The following SREBF2 variants were observed in gnomAD, a reference collection of about 807,000 sequenced individuals.
The protein encoded by SREBF2 is sterol regulatory element binding transcription factor 2.
Under a neutral mutation model 113.1 loss-of-function variants are expected in SREBF2, and 55 were observed. That is an observed-to-expected ratio of 0.49 (90% confidence interval 0.39 to 0.61). The LOEUF (loss-of-function observed/expected upper bound fraction) is 0.61. Ranked by LOEUF, SREBF2 falls within the 20% of genes least tolerant of loss-of-function variation. The pLI, the probability that SREBF2 is intolerant of heterozygous loss-of-function variation, is 0.00. For missense variants in SREBF2, 1,349 were observed against 1,487.4 expected, an observed-to-expected ratio of 0.91 and a Z score of 1.53; for synonymous variants, 593 against 605.7, an observed-to-expected ratio of 0.98 and a Z score of 0.31.
Position 41,867,236 on chromosome 22 carries a change from T to C in SREBF2, c.494T>C (p.Ile165Thr). 1 of 1,614,222 alleles carries C rather than the reference T, an allele frequency of 6.2e-7. No homozygotes were observed. Among genetic ancestry groups the C allele is most frequent in the Non-Finnish European group, 8.5e-7 (1 of 1,180,042 alleles). Residue 165 changes from isoleucine (I) to threonine (T), a missense_variant, in exon 2 of 19, where the codon ATC (isoleucine) becomes ACC (threonine). By Grantham distance (89) the Ile-to-Thr change is moderately conservative (BLOSUM62 -1). Coordinates refer to ENST00000361204, the MANE Select transcript of SREBF2 (RefSeq NM_004599.4). Reference sequence around the variant, plus strand: ...AGCACCACTCCGCAGACGAGGATCATCCAGCAGCCTTTGATATACCAGAAT... The same window carrying C: ...AGCACCACTCCGCAGACGAGGATCACCCAGCAGCCTTTGATATACCAGAAT... Reference protein sequence around the residue: ...TFSTTPQTRIIQQPLIYQNAA... With the variant: ...TFSTTPQTRITQQPLIYQNAA...
chr22:41,864,094 G>C (rs1433663834), intron 1 of SREBF2, among the ~76,000 whole-genome samples: 2 of 149,904 alleles, frequency 1.3e-5, no homozygotes, highest in East Asian at 3.9e-4. Flanking sequence ...TGTCAGGCTG[G>C]TCTCGAACTC....
chr22:41,872,024 G>A lies in SREBF2; in HGVS notation c.867+989G>A, dbSNP rs138986296. Among the ~76,000 whole-genome samples the A allele has an allele frequency of 4.8e-3, 727 of 152,260 alleles. 7 individuals carry two copies. Among genetic ancestry groups the A allele is most frequent in the African/African-American group, 0.015 (637 of 41,546 alleles). On this transcript the variant is annotated intron_variant, in intron 4 of 18. Coordinates refer to ENST00000361204, the MANE Select transcript of SREBF2 (RefSeq NM_004599.4). ...CCAGCACTTTGGGAGGCCGAGGTGGGTAGATCATGAGGTCAGGAGATCGAG... is the reference window on the plus strand; with the variant it reads ...CCAGCACTTTGGGAGGCCGAGGTGGATAGATCATGAGGTCAGGAGATCGAG...
chr22:41,904,627 G>A (rs1345233312), intron 17 of SREBF2: 1 of 688,358 alleles, frequency 1.5e-6, no homozygotes, highest in East Asian at 2.8e-5. Flanking sequence ...GTTGGGAAAA[G>A]CAGGCCTTTT....
intron 11 of SREBF2, among the ~76,000 whole-genome samples, chr22:41,888,722 G>GCT (rs1366829833): frequency 1.3e-5 from 2 of 152,186 alleles, no homozygotes; most frequent in Non-Finnish European, 2.9e-5. Flanking sequence ...CTCCATAAGA[G>GCT]TTTCCTCAGA....
intron 1 of SREBF2, among the ~76,000 whole-genome samples, chr22:41,866,418 C>T (rs954429185): frequency 1.2e-4 from 18 of 152,104 alleles, no homozygotes; most frequent in African/African-American, 4.1e-4. Context: ...GGCATGGTGC[C>T]GTGCACCTAT....
At chr22:41,878,673 A>C in intron 9 of SREBF2, 2 of 1,304,312 alleles carry the variant, frequency 1.5e-6, no homozygotes, top group South Asian at 2.5e-5. Flanking sequence ...TTTACGGAAA[A>C]AAATCTGGGG....
intron 2 of SREBF2, among the ~76,000 whole-genome samples, chr22:41,867,529 G>A (rs926659590): frequency 6.6e-5 from 10 of 151,990 alleles, no homozygotes; most frequent in Non-Finnish European, 8.8e-5. Context: ...GCAAGCGGCC[G>A]GGCGCGGTGG....
chr22:41,878,910 C>G (rs2077221601), intron 9 of SREBF2, among the ~76,000 whole-genome samples: 1 of 152,150 alleles, frequency 6.6e-6, no homozygotes, highest in Admixed American at 6.5e-5. Flanking sequence ...AGTATAACAT[C>G]CCAAGATGTA....
intron 11 of SREBF2, among the ~76,000 whole-genome samples, chr22:41,889,160 C>G (rs1244346939): frequency 6.6e-6 from 1 of 152,170 alleles, no homozygotes; most frequent in East Asian, 1.9e-4. Flanking sequence ...GTGTCTTGCT[C>G]TGTTGCCCAG....
intron 15 of SREBF2, chr22:41,899,654 C>A: frequency 1.2e-6 from 1 of 831,676 alleles, no homozygotes; most frequent in Non-Finnish European, 1.5e-6. Flanking sequence ...ACTAGGTAAG[C>A]ACCCAGCCCG....
At chr22:41,878,240 C>A in intron 9 of SREBF2, 117 bp downstream of exon 9, 1 of 1,359,206 alleles carries the variant, frequency 7.4e-7, no homozygotes, top group Non-Finnish European at 1.0e-6. Context: ...AGGGACCCTG[C>A]TGCTGAATAG....
In SREBF2 at chr22:41,905,862, G is replaced by A. The variant is rs1465306052; in HGVS notation, c.*202G>A. Reference sequence around the variant, plus strand: ...AGATGCCCATGGTCCAGGGCCTGGTGGGCGTGAGAGGATAGGTGGCAGGGC... The same window carrying A: ...AGATGCCCATGGTCCAGGGCCTGGTAGGCGTGAGAGGATAGGTGGCAGGGC... On this transcript the variant is annotated 3_prime_UTR_variant, in exon 19 of 19. Transcript: ENST00000361204. 1.1e-5 allele frequency: 8 copies of A among 720,398 alleles called. No individual in the cohort carries two copies. The highest frequency in any genetic ancestry group is 2.0e-5 in the Non-Finnish European group (8 of 401,582). The allele number at this position is 720,398 out of a possible 1,614,324, so 44.6% of individuals were successfully genotyped here. A position where few individuals can be genotyped will look rare whatever the true frequency, so the allele number is the denominator to read the frequency against.
chr22:41,841,579 A>G (rs2076830700), intron 1 of SREBF2, among the ~76,000 whole-genome samples: 5 of 152,208 alleles, frequency 3.3e-5, no homozygotes, highest in Admixed American at 2.0e-4. Flanking sequence ...CTCTCATTGA[A>G]TAGGCTTTTA....
intron 1 of SREBF2, among the ~76,000 whole-genome samples, chr22:41,860,810 C>T (rs60386215): frequency 0.082 from 12,506 of 152,024 alleles, 660 homozygotes; most frequent in East Asian, 0.15. Context: ...TGCTTAAGCA[C>T]AGGAGGTAGA....
rs2077515849 is a variant in SREBF2 at position 41,907,120 on chromosome 22, G to GTAATT, written c.*1463_*1467dup. The stretch of plus-strand genomic sequence containing the variant: ...CTCCTGCCCCTCCCCTACTCTCACT[G>GTAATT]TAATTTATGGACCCTGCCCGCCTGC... On this transcript the variant is annotated 3_prime_UTR_variant, in exon 19 of 19. Coordinates refer to ENST00000361204, the MANE Select transcript of SREBF2 (RefSeq NM_004599.4). 1.3e-5 allele frequency: 2 copies of GTAATT among 152,162 alleles called. No homozygotes were observed. The allele number at this position is 152,162 out of a possible 1,614,324, so 9.4% of individuals were successfully genotyped here. A position where few individuals can be genotyped will look rare whatever the true frequency, so the allele number is the denominator to read the frequency against.
intron 1 of SREBF2, among the ~76,000 whole-genome samples, chr22:41,843,008 T>A (rs1352390115): frequency 1.3e-5 from 2 of 151,930 alleles, no homozygotes; most frequent in African/African-American, 4.8e-5. Context: ...AAAAAAAGAT[T>A]ATAATGGAGC....
At chr22:41,852,911 A>G (rs183372451) in intron 1 of SREBF2, among the ~76,000 whole-genome samples, 4 of 151,892 alleles carry the variant, frequency 2.6e-5, no homozygotes, top group African/African-American at 7.2e-5. Context: ...CACCATGCCC[A>G]GCTAATTTTT....
At chr22:41,903,598 G>A (rs527466912) in intron 17 of SREBF2, among the ~76,000 whole-genome samples, 4 of 152,380 alleles carry the variant, frequency 2.6e-5, no homozygotes, top group South Asian at 2.1e-4. Context: ...CAGTGGCCAC[G>A]TGATCTGAAC....
chr22:41,904,479 A>G (rs2077488947), intron 17 of SREBF2: 1 of 461,210 alleles, frequency 2.2e-6, no homozygotes, highest in African/African-American at 2.0e-5. Context: ...TACCAGCCCA[A>G]CTGTCCCTCC....
Sources: allele counts gnomAD v4.1 joint callset (sites outside exome capture counted in the v4.1 genomes callset), GRCh38; gene constraint gnomAD v4.1.1; transcripts MANE v1.5; gene names NCBI Gene and HGNC (gene_info 2026-07-23, HGNC 2026-07-21).